INPP5A: variants seen among roughly 807,000 people sequenced by gnomAD.
The protein encoded by INPP5A is inositol polyphosphate-5-phosphatase A.
INPP5A carries 14 observed loss-of-function variants against 65.2 expected under a neutral mutation model. That is an observed-to-expected ratio of 0.21 (90% CI 0.14 to 0.34). The LOEUF is 0.34. Among genes scored for constraint, INPP5A ranks in the 10% least tolerant of loss-of-function variants. The pLI, the probability that INPP5A is intolerant of heterozygous loss-of-function variation, is 1.00. For missense variants in INPP5A, 431 were observed against 545.6 expected (o/e 0.79, Z 2.09); for synonymous variants, 207 against 208.3 (o/e 0.99, Z 0.05).
intron 1 of INPP5A, among the ~76,000 whole-genome samples, chr10:132,539,680 G>GCTCCCTCC (rs538466893): frequency 1.3e-5 from 2 of 151,364 alleles, no homozygotes; most frequent in Admixed American, 6.6e-5. Context: ...AGCCACGGAC[G>GCTCCCTCC]CTCCCTCCCT....
At chr10:132,688,864 G>T (rs1564965488) in intron 4 of INPP5A, among the ~76,000 whole-genome samples, 1 of 151,520 alleles carries the variant, frequency 6.6e-6, no homozygotes, top group African/African-American at 2.4e-5. Context: ...GTGTGCATGA[G>T]TTAGTGCATG....
intron 4 of INPP5A, among the ~76,000 whole-genome samples, chr10:132,661,316 A>G (rs987285285): frequency 2.6e-5 from 4 of 152,230 alleles, no homozygotes; most frequent in Admixed American, 2.6e-4. Context: ...GGGTCTTACT[A>G]ACATAAAAAT....
chr10:132,576,093 T>C (rs2071409773), intron 1 of INPP5A, among the ~76,000 whole-genome samples: 1 of 152,108 alleles, frequency 6.6e-6, no homozygotes, highest in African/African-American at 2.4e-5. Context: ...TCCCTGCCAG[T>C]GTGTGTGCTG....
At chr10:132,614,922 C>T (rs1367368668) in intron 2 of INPP5A, among the ~76,000 whole-genome samples, 2 of 152,302 alleles carry the variant, frequency 1.3e-5, no homozygotes, top group Non-Finnish European at 2.9e-5. Flanking sequence ...CTCTTATCCT[C>T]CCAGCTTCAG....
intron 13 of INPP5A, among the ~76,000 whole-genome samples, 184 bp from the exon 14 acceptor site, chr10:132,780,665 C>T (rs1591010951): frequency 6.6e-6 from 1 of 152,280 alleles, no homozygotes; most frequent in African/African-American, 2.4e-5. Flanking sequence ...GCCTTTGGTC[C>T]ATGAGCTGGC....
chr10:132,759,265 C>T (rs1265166892), intron 11 of INPP5A, among the ~76,000 whole-genome samples: 2 of 152,124 alleles, frequency 1.3e-5, no homozygotes, highest in Non-Finnish European at 2.9e-5. Flanking sequence ...AGGGAAGACC[C>T]CCGGGGTAGT....
chr10:132,762,809 G>A lies in INPP5A; in HGVS notation c.904-2964G>A, dbSNP rs1411919220. Among the ~76,000 whole-genome samples the A allele has an allele frequency of 6.6e-6, 1 of 152,044 alleles. No individual in the cohort carries two copies. The highest frequency in any genetic ancestry group is 1.5e-5 in the Non-Finnish European group (1 of 68,002). ...AGTCTCAGACAAGCCAGGGCAATGT[G>A]GCAAGACCCCGTCTCTACAAAAAAT... is the stretch of plus-strand genomic sequence containing the variant. On this transcript the variant is annotated intron_variant, in intron 11 of 15. Coordinates refer to ENST00000368594, the MANE Select transcript of INPP5A (RefSeq NM_005539.5). The surrounding 1 kb of genome is among the most constrained non-coding windows in gnomAD (Gnocchi z 4.6).
Position 132,545,470 on chromosome 10 carries a change from C to T in INPP5A, c.75+7299C>T, listed in dbSNP as rs1488186432. 1.3e-5 allele frequency among the ~76,000 whole-genome samples: 2 copies of T among 152,108 alleles called. No individual in the cohort carries two copies. Among genetic ancestry groups the T allele is most frequent in the Admixed American group, 6.5e-5 (1 of 15,278 alleles). Reference sequence around the variant, plus strand: ...CCTCCATCCGGGAATGGGGTCCAGGCGGAGGAGGGTGGGCATCTCTCCACA... The same window carrying T: ...CCTCCATCCGGGAATGGGGTCCAGGTGGAGGAGGGTGGGCATCTCTCCACA... On this transcript the variant is annotated intron_variant, in intron 1 of 15. Coordinates refer to ENST00000368594, the MANE Select transcript of INPP5A (RefSeq NM_005539.5). This position sits in a 1 kb window ranked among gnomAD's most constrained non-coding sequence, Gnocchi z 4.6.
intron 1 of INPP5A, among the ~76,000 whole-genome samples, chr10:132,591,556 G>T (rs2071619541): frequency 6.6e-6 from 1 of 152,214 alleles, no homozygotes; most frequent in Non-Finnish European, 1.5e-5. Context: ...TATGCAAAAG[G>T]TCGTTTGTGA....
intron 1 of INPP5A, among the ~76,000 whole-genome samples, chr10:132,592,028 T>C (rs2071626295): frequency 6.6e-6 from 1 of 152,158 alleles, no homozygotes; most frequent in Admixed American, 6.5e-5. Flanking sequence ...GTTGTTGCTA[T>C]TAAACAAGAA....
intron 4 of INPP5A, among the ~76,000 whole-genome samples, chr10:132,654,975 A>G (rs2072634511): frequency 6.6e-6 from 1 of 152,158 alleles, no homozygotes; most frequent in Admixed American, 6.5e-5. Flanking sequence ...AAAAATGAGG[A>G]TATTAGGCTG....
chr10:132,612,146 G>GGGC, intron 2 of INPP5A, among the ~76,000 whole-genome samples: 1 of 149,788 alleles, frequency 6.7e-6, no homozygotes, highest in Admixed American at 6.7e-5. Context: ...GGGAGGTTAT[G>GGGC]AGTTCGTGGG....
chr10:132,643,915 G>A (rs2072459402), intron 2 of INPP5A, among the ~76,000 whole-genome samples: 1 of 152,040 alleles, frequency 6.6e-6, no homozygotes, highest in African/African-American at 2.4e-5. Flanking sequence ...CCTAGGGCGT[G>A]TAGACACAGG....
At chr10:132,738,747 G>C (rs570968621) in intron 9 of INPP5A, among the ~76,000 whole-genome samples, 291 of 152,322 alleles carry the variant, frequency 1.9e-3, no homozygotes, top group South Asian at 8.1e-3. Context: ...GCATGTTGTT[G>C]TTCTGGGTGG....
chr10:132,735,533 G>A (rs181161809), intron 9 of INPP5A, among the ~76,000 whole-genome samples: 1 of 152,220 alleles, frequency 6.6e-6, no homozygotes, highest in Non-Finnish European at 1.5e-5. Flanking sequence ...CAGAAACCAC[G>A]GCTGGCCTGG....
At chr10:132,562,715 G>C (rs1261942501) in intron 1 of INPP5A, among the ~76,000 whole-genome samples, 1 of 152,272 alleles carries the variant, frequency 6.6e-6, no homozygotes, top group Non-Finnish European at 1.5e-5. Flanking sequence ...GTGAGGAGCG[G>C]CATGCTTCCA....
intron 1 of INPP5A, among the ~76,000 whole-genome samples, chr10:132,573,697 A>G (rs375516282): frequency 4.5e-3 from 85 of 18,854 alleles, no homozygotes; most frequent in Non-Finnish European, 4.7e-3. Context: ...GTTGGGGTGT[A>G]CGTGCCGTGT....
At chr10:132,628,556 C>G (rs922132465) in intron 2 of INPP5A, among the ~76,000 whole-genome samples, 2 of 149,964 alleles carry the variant, frequency 1.3e-5, no homozygotes, top group African/African-American at 4.9e-5. Context: ...CTAAACTCCA[C>G]ATAGTTGAAG....
At chr10:132,592,508 C>T (rs1169781958) in intron 1 of INPP5A, among the ~76,000 whole-genome samples, 7 of 152,146 alleles carry the variant, frequency 4.6e-5, no homozygotes, top group Non-Finnish European at 8.8e-5. Flanking sequence ...CTCCGCCTCC[C>T]GGGTTCAAGT....
Sources: gnomAD v4.1 joint callset for allele counts (sites outside exome capture counted in the v4.1 genomes callset) on GRCh38, gnomAD v4.1.1 for gene constraint, Gnocchi (gnomAD v3.1) non-coding constraint, MANE v1.5 for transcripts, NCBI Gene and HGNC (gene_info 2026-07-23, HGNC 2026-07-21) for gene names.